The following KIF26B variants were observed in gnomAD, a reference collection of about 807,000 sequenced individuals.
The protein encoded by KIF26B is kinesin-like protein KIF26B.
Under a neutral mutation model 151.2 loss-of-function variants are expected in KIF26B, and 63 were observed. The ratio of observed to expected loss-of-function variants is 0.42; its 90% CI spans 0.34 to 0.51. The LOEUF is 0.51. Ranked by LOEUF, KIF26B falls within the 20% of genes least tolerant of loss-of-function variation. KIF26B has a pLI of 0.07. For missense variants in KIF26B, 2,813 were observed against 2,913.6 expected (o/e 0.97, Z 0.79); for synonymous variants, 1,357 against 1,262.1 (o/e 1.08, Z -1.59).
rs985867026 is a variant in KIF26B at position 245,703,992 on chromosome 1, G to C, written c.*1386G>C. The stretch of plus-strand genomic sequence containing the variant: ...CCAGGTCTTGGCTCCCAACAACTCA[G>C]GACCTCAAATTCAGATGTTCCTCCC... On this transcript the variant is annotated 3_prime_UTR_variant, in exon 15 of 15. Transcript: ENST00000407071. The C allele has an allele frequency of 2.6e-5, 4 of 152,200 alleles. No individual in the cohort carries two copies. The highest frequency in any genetic ancestry group is 9.7e-5 in the African/African-American group (4 of 41,436). 9.4% of individuals were successfully genotyped at this position (152,200 alleles called of 1,614,324 possible). A position where few individuals can be genotyped will look rare whatever the true frequency, so the allele number is the denominator to read the frequency against.
chr1:245,171,499 G>A (rs754655020), intron 2 of KIF26B, among the ~76,000 whole-genome samples: 5 of 152,006 alleles, frequency 3.3e-5, no homozygotes, highest in Admixed American at 6.5e-5. Flanking sequence ...AGCTGAGATC[G>A]CGCCATTGCA....
chr1:245,505,323 A>G (rs1438848326), intron 4 of KIF26B, among the ~76,000 whole-genome samples: 2 of 151,968 alleles, frequency 1.3e-5, no homozygotes, highest in Non-Finnish European at 2.9e-5. Context: ...TTTTCTTATT[A>G]GCAGACTTGG....
chr1:245,524,056 T>C (rs1558199211), intron 4 of KIF26B, among the ~76,000 whole-genome samples: 1 of 152,240 alleles, frequency 6.6e-6, no homozygotes, highest in Non-Finnish European at 1.5e-5. Flanking sequence ...AATCTTAAAA[T>C]ATATATTGGG....
intron 2 of KIF26B, among the ~76,000 whole-genome samples, chr1:245,240,797 C>T (rs1670200420): frequency 6.6e-6 from 1 of 152,202 alleles, no homozygotes; most frequent in South Asian, 2.1e-4. Flanking sequence ...CTACAGGGAC[C>T]TGCCAGAGGG....
chr1:245,174,711 C>G (rs575103941), intron 2 of KIF26B, among the ~76,000 whole-genome samples: 1 of 152,126 alleles, frequency 6.6e-6, no homozygotes, highest in Admixed American at 6.6e-5. Context: ...CTGTGTCAGG[C>G]GCTGTTCTAG....
chr1:245,419,502 A>C, intron 3 of KIF26B, 77 bp from the exon 4 acceptor site: 1 of 1,413,296 alleles, frequency 7.1e-7, no homozygotes, highest in Non-Finnish European at 9.7e-7. Context: ...CCCTCCCCCA[A>C]ATAGAGAGAT....
At chr1:245,370,537 T>A (rs983573336) in intron 3 of KIF26B, 10 of 452,528 alleles carry the variant, frequency 2.2e-5, no homozygotes, top group African/African-American at 2.0e-4. Flanking sequence ...GTGAGCCACA[T>A]ACTTGTGTTA....
intron 4 of KIF26B, among the ~76,000 whole-genome samples, chr1:245,533,431 A>G (rs923176734): frequency 6.6e-6 from 1 of 152,132 alleles, no homozygotes; most frequent in Non-Finnish European, 1.5e-5. Context: ...TTTTATAAAC[A>G]CTTTACCCAC....
At position 245,688,510 on chromosome 1, in the gene KIF26B, G is replaced by C. The variant is rs773470406; in HGVS notation, c.5527G>C (p.Ala1843Pro). ...GGCCCTGGCCGAGGACGAGCCCGCG[G>C]CCGCGCACCTGCTCCCGTCGCCCTA... is the stretch of plus-strand genomic sequence containing the variant. ...GGALAEDEPA[A>P]AHLLPSPYSK... The change falls in exon 12 of 15, where the codon GCC becomes CCC. Residue 1843 changes from alanine to proline, a missense_variant. Physicochemically the swap from Ala to Pro is conservative, Grantham distance 27. Coordinates refer to ENST00000407071, the MANE Select transcript of KIF26B (RefSeq NM_018012.4). 5 of 1,501,484 alleles carry C rather than the reference G, an allele frequency of 3.3e-6. 1 individual carries two copies. The South Asian group carries it at 6.2e-5, about 19-fold the overall frequency. The allele number at this position is 1,501,484 out of a possible 1,614,324, so 93.0% of individuals were successfully genotyped here.
intron 2 of KIF26B, among the ~76,000 whole-genome samples, chr1:245,210,329 C>G (rs1057079932): frequency 3.3e-5 from 5 of 152,190 alleles, no homozygotes; most frequent in Admixed American, 6.5e-5. Flanking sequence ...CTGCTGGGAC[C>G]ACCCCGCACA....
At position 245,688,096 on chromosome 1, in the gene KIF26B, C is replaced by G. The variant is rs770262561; in HGVS notation, c.5113C>G (p.Arg1705Gly). ...CGCGGGCAAGGACGGCACCATGCCCCGCGCGGGGAGGAGCCTGGGCCGCAG... is the reference window on the plus strand; with the variant it reads ...CGCGGGCAAGGACGGCACCATGCCCGGCGCGGGGAGGAGCCTGGGCCGCAG... The part of the protein sequence containing the change: ...LHAGKDGTMP[R>G]AGRSLGRSAG... The change falls in exon 12 of 15, where the codon CGC becomes GGC. Residue 1705 changes from arginine to glycine, a missense_variant. By Grantham distance (125) the Arg-to-Gly change is moderately radical. Around this residue, in one of 3 missense-constraint regions of KIF26B, gnomAD observed 2,060 missense variants for 2,088.6 expected, o/e 0.99. Coordinates refer to ENST00000407071, the MANE Select transcript of KIF26B (RefSeq NM_018012.4). 3.2e-6 allele frequency: 5 copies of G among 1,554,184 alleles called. No homozygotes were observed. In the Admixed American group the frequency reaches 7.7e-5, roughly 24 times the overall value.
chr1:245,413,499 A>G (rs1173035151), intron 3 of KIF26B, among the ~76,000 whole-genome samples: 2 of 151,962 alleles, frequency 1.3e-5, no homozygotes, highest in Non-Finnish European at 2.9e-5. Context: ...TGTCTCTACT[A>G]AAAAAATAGA....
At chr1:245,173,420 C>T (rs1341907235) in intron 2 of KIF26B, among the ~76,000 whole-genome samples, 1 of 152,156 alleles carries the variant, frequency 6.6e-6, no homozygotes, top group African/African-American at 2.4e-5. Flanking sequence ...TTGTATTTGA[C>T]GGAAGTGATA....
At chr1:245,292,352 G>A (rs916819367) in intron 2 of KIF26B, among the ~76,000 whole-genome samples, 74 of 152,280 alleles carry the variant, frequency 4.9e-4, no homozygotes, top group Middle Eastern at 3.4e-3. Context: ...CCAGCTGCCC[G>A]GTGGTGCAAC....
At chr1:245,596,885 T>C (rs1257974864) in intron 5 of KIF26B, among the ~76,000 whole-genome samples, 1 of 152,212 alleles carries the variant, frequency 6.6e-6, no homozygotes, top group Non-Finnish European at 1.5e-5. Context: ...TACCATTATG[T>C]AACGCCTTAA....
chr1:245,544,298 G>A (rs141436789), intron 5 of KIF26B, among the ~76,000 whole-genome samples: 55 of 152,304 alleles, frequency 3.6e-4, no homozygotes, highest in African/African-American at 1.1e-3. Flanking sequence ...AGGTAGACAA[G>A]TTTGATGGAA....
At chr1:245,652,928 C>T (rs10924282) in intron 10 of KIF26B, among the ~76,000 whole-genome samples, 6,095 of 152,236 alleles carry the variant, frequency 0.04, 160 homozygotes, top group African/African-American at 0.069. Flanking sequence ...AATTGGAAGG[C>T]GTCTTCCTTT....
At chr1:245,264,957 T>G (rs1043094021) in intron 2 of KIF26B, among the ~76,000 whole-genome samples, 4 of 151,098 alleles carry the variant, frequency 2.6e-5, no homozygotes, top group African/African-American at 9.7e-5. Context: ...CCCAGCACTT[T>G]GGGAGGCCGA....
intron 2 of KIF26B, among the ~76,000 whole-genome samples, chr1:245,266,266 T>G (rs1670743315): frequency 6.6e-6 from 1 of 152,170 alleles, no homozygotes; most frequent in South Asian, 2.1e-4. Flanking sequence ...CCAACCAGAC[T>G]GGTGAAAATA....
Sources: allele counts gnomAD v4.1 joint callset (sites outside exome capture counted in the v4.1 genomes callset), GRCh38; gene constraint gnomAD v4.1.1; regional missense constraint gnomAD v4.1.1; transcripts MANE v1.5; gene names NCBI Gene and HGNC (gene_info 2026-07-23, HGNC 2026-07-21).